Variants in GNAS observed in about 807,000 individuals in gnomAD.
The protein encoded by GNAS is protein ALEX.
GNAS carries 8 observed loss-of-function variants against 54.5 expected under a neutral mutation model. The observed-to-expected ratio is 0.15, with a 90% CI of 0.09 to 0.26. The LOEUF (loss-of-function observed/expected upper bound fraction) is 0.26. Ranked by LOEUF, GNAS falls within the 10% of genes least tolerant of loss-of-function variation. GNAS has a pLI of 1.00. For synonymous variants in GNAS, 204 were observed against 191.4 expected (o/e 1.07, Z -0.54); for missense variants, 170 against 529.8 (o/e 0.32, Z 6.67).
intron 1 of GNAS, among the ~76,000 whole-genome samples, chr20:58,850,317 C>T (rs1446201712): frequency 6.6e-6 from 1 of 152,186 alleles, no homozygotes; most frequent in Non-Finnish European, 1.5e-5. Context: ...TTTTAGTCAC[C>T]TCCATGCATG....
intron 1 of GNAS, among the ~76,000 whole-genome samples, chr20:58,849,241 A>T (rs1346139157): frequency 6.6e-6 from 1 of 152,078 alleles, no homozygotes; most frequent in Non-Finnish European, 1.5e-5. Flanking sequence ...CCCAAATACC[A>T]CCAGTGCAGA....
At chr20:58,875,367 G>A (rs554153798) in intron 1 of GNAS, among the ~76,000 whole-genome samples, 5 of 152,174 alleles carry the variant, frequency 3.3e-5, no homozygotes, top group Non-Finnish European at 7.3e-5. Flanking sequence ...ACTCGTAAGG[G>A]ACATGTGCAT....
chr20:58,901,290 G>A (rs2090580871), intron 3 of GNAS, among the ~76,000 whole-genome samples: 2 of 152,256 alleles, frequency 1.3e-5, no homozygotes, highest in East Asian at 1.9e-4. Context: ...ATGTTAGACT[G>A]TAATACCAAG....
upstream of GNAS, among the ~76,000 whole-genome samples, chr20:58,891,066 G>C (rs555277392): frequency 6.7e-6 from 1 of 150,208 alleles, no homozygotes; most frequent in African/African-American, 2.4e-5. Flanking sequence ...GCGAGGGGTC[G>C]TCACTGGCGC....
At chr20:58,852,438 C>T (rs1600699613) in intron 1 of GNAS, among the ~76,000 whole-genome samples, 1 of 152,358 alleles carries the variant, frequency 6.6e-6, no homozygotes, top group Non-Finnish European at 1.5e-5. Flanking sequence ...CGCATCCCTA[C>T]GCGTGCCTGC....
rs1219420854 is a variant in GNAS at position 58,873,372 on chromosome 20, A to G, written c.44-22240A>G. On this transcript the variant is annotated intron_variant, in intron 1 of 12. Coordinates refer to the GNAS transcript ENST00000306090. The surrounding 1 kb of genome is among the most constrained non-coding windows in gnomAD (Gnocchi z 4.3). The stretch of plus-strand genomic sequence containing the variant: ...AACAGTTAAATCCATCATGGTTCCA[A>G]GTGAAAACAGTTGTCACAAATTAAT... 6.6e-6 allele frequency among the ~76,000 whole-genome samples: 1 copy of G among 152,242 alleles called. No homozygotes were observed. Among genetic ancestry groups the G allele is most frequent in the Non-Finnish European group, 1.5e-5 (1 of 68,044 alleles).
chr20:58,887,715 C>T (rs1055103198), upstream of GNAS, among the ~76,000 whole-genome samples: 1 of 152,186 alleles, frequency 6.6e-6, no homozygotes, highest in African/African-American at 2.4e-5. Context: ...TCAAGAAAGT[C>T]AGGGGTCTGC....
intron 1 of GNAS, chr20:58,885,124 G>T (rs2088500781): frequency 6.6e-6 from 1 of 152,252 alleles, no homozygotes; most frequent in Non-Finnish European, 1.5e-5. Flanking sequence ...GTAGATGGTG[G>T]TTTTGTTAAA....
At chr20:58,902,113 C>T (rs149330516) in intron 3 of GNAS, among the ~76,000 whole-genome samples, 117 of 88,504 alleles carry the variant, frequency 1.3e-3, no homozygotes, top group African/African-American at 5.0e-3. Flanking sequence ...TGGTTTCTGC[C>T]TCGGTGACTC....
In GNAS at chr20:58,893,949, GACTACATT is replaced by G. The variant is rs545249223; in HGVS notation, c.140-1660_140-1653del. 8.4e-4 allele frequency among the ~76,000 whole-genome samples: 128 copies of G among 152,320 alleles called. 1 individual carries two copies. Among genetic ancestry groups the G allele is most frequent in the South Asian group, 8.3e-3 (40 of 4,822 alleles). ...CTAATCTAAGTGTCCTAGTCTATAT[GACTACATT>G]ACATCATGATGTATTGATTGCCTCT... is the stretch of plus-strand genomic sequence containing the variant. On this transcript the variant is annotated intron_variant, in intron 1 of 12. Transcript: ENST00000371085.
At chr20:58,855,388 G>A (rs1245547439) in intron 1 of GNAS, 3 of 1,502,194 alleles carry the variant, frequency 2.0e-6, no homozygotes, top group Non-Finnish European at 2.7e-6. Context: ...ACCGGGGAGG[G>A]GGTGGCAGGG....
At chr20:58,864,512 T>G (rs2086936414) in intron 1 of GNAS, among the ~76,000 whole-genome samples, 1 of 152,152 alleles carries the variant, frequency 6.6e-6, no homozygotes, top group Admixed American at 6.5e-5. Context: ...AACATGGGAA[T>G]TTTTAAATGA....
chr20:58,895,455 C>T (rs1028032537), intron 1 of GNAS, 157 bp from the exon 2 acceptor site: 6 of 678,324 alleles, frequency 8.8e-6, no homozygotes, highest in African/African-American at 3.5e-5. Context: ...TTCCTTTTCT[C>T]TGCGTCGAAA....
At chr20:58,840,334 C>T, upstream of GNAS, 1 of 1,613,108 alleles carries the variant, frequency 6.2e-7, no homozygotes, top group African/African-American at 1.3e-5. This position sits in a 1 kb window ranked among gnomAD's most constrained non-coding sequence, Gnocchi z 6.0. Flanking sequence ...CCCAGGTATT[C>T]CCTGAGTCCC....
intron 1 of GNAS, among the ~76,000 whole-genome samples, chr20:58,875,103 G>A (rs1416961620): frequency 6.6e-6 from 1 of 152,128 alleles, no homozygotes. Flanking sequence ...AGGTTGTCTG[G>A]ATGACTGAAC....
upstream of GNAS, among the ~76,000 whole-genome samples, chr20:58,891,091 T>A (rs938393555): frequency 1.4e-5 from 2 of 143,078 alleles, no homozygotes; most frequent in African/African-American, 2.6e-5. Context: ...ACGCCCCCTC[T>A]CCCCCCTCGG....
intron 1 of GNAS, chr20:58,876,752 G>A (rs2087849471): frequency 6.6e-6 from 1 of 152,208 alleles, no homozygotes; most frequent in African/African-American, 2.4e-5. Flanking sequence ...CTGACCCTTA[G>A]CTAAGTCAAC....
At chr20:58,854,478 G>A (rs2086343006) in intron 1 of GNAS, 6 of 1,584,086 alleles carry the variant, frequency 3.8e-6, no homozygotes, top group East Asian at 2.3e-5. Flanking sequence ...TCCTGACTCC[G>A]GGGCAACCCC....
upstream of GNAS, chr20:58,888,463 C>G (rs879618827): frequency 6.6e-6 from 1 of 152,246 alleles, no homozygotes; most frequent in South Asian, 2.1e-4. Context: ...ACTGCTATAT[C>G]CTAGTGTGCG....
Sources: gnomAD v4.1 joint callset for allele counts (sites outside exome capture counted in the v4.1 genomes callset) on GRCh38, gnomAD v4.1.1 for gene constraint, Gnocchi (gnomAD v3.1) non-coding constraint, MANE v1.5 for transcripts, NCBI Gene and HGNC (gene_info 2026-07-23, HGNC 2026-07-21) for gene names.